ALG9: variants seen among roughly 807,000 people sequenced by gnomAD.
ALG9 encodes alpha-1,2-mannosyltransferase ALG9.
A neutral mutation model predicts 81.8 loss-of-function variants in ALG9; 55 were observed. That is an observed-to-expected ratio of 0.67 (90% CI 0.54 to 0.84). ALG9 has a LOEUF of 0.84. Among genes scored for constraint, ALG9 ranks in the 40% least tolerant of loss-of-function variants. The pLI, the probability that ALG9 is intolerant of heterozygous loss-of-function variation, is 0.00. For synonymous variants in ALG9, 278 were observed against 274.3 expected, an observed-to-expected ratio of 1.01 and a Z score of -0.13; for missense variants, 629 against 745.0, an observed-to-expected ratio of 0.84 and a Z score of 1.81.
In ALG9 at chr11:111,782,377, T is replaced by C. The variant is rs941476872; in HGVS notation, c.*4020A>G. The C allele has an allele frequency of 1.3e-5, 2 of 152,608 alleles. No homozygotes were observed. The highest frequency in any genetic ancestry group is 4.8e-5 in the African/African-American group (2 of 41,440). The allele number at this position is 152,608 out of a possible 1,614,324, so 9.5% of individuals were successfully genotyped here. On this transcript the variant is annotated 3_prime_UTR_variant, in exon 15 of 15. Transcript: ENST00000616540. Reference sequence around the variant, plus strand: ...GCATGAATCACCTGGTTATACAGACTGGCAGAAGGCAACATTCAGATTTAC... The same window carrying C: ...GCATGAATCACCTGGTTATACAGACCGGCAGAAGGCAACATTCAGATTTAC...
chr11:111,810,508 C>A (rs782225137), intron 13 of ALG9, among the ~76,000 whole-genome samples: 1 of 152,184 alleles, frequency 6.6e-6, no homozygotes, highest in Non-Finnish European at 1.5e-5. Flanking sequence ...GTAGTCCCAG[C>A]ACTTTGGGAG....
At chr11:111,869,592 T>TA (rs563657100) in intron 2 of ALG9, among the ~76,000 whole-genome samples, 28 of 147,028 alleles carry the variant, frequency 1.9e-4, no homozygotes, top group African/African-American at 2.2e-4. Flanking sequence ...TATTTTCATT[T>TA]AAAAAAAAAA....
At position 111,833,272 on chromosome 11, in the gene ALG9, T is replaced by C. The variant is rs566726977; in HGVS notation, c.1602+2893A>G. 3.3e-5 allele frequency among the ~76,000 whole-genome samples: 5 copies of C among 152,330 alleles called. No individual in the cohort carries two copies. The East Asian group carries it at 7.7e-4, about 23-fold the overall frequency. ...CAAGAACTAAAGAGGTGACACTGAATGTATCTTCCAAATTTAGATCTTGAT... is the reference window on the plus strand; with the variant it reads ...CAAGAACTAAAGAGGTGACACTGAACGTATCTTCCAAATTTAGATCTTGAT... On this transcript the variant is annotated intron_variant, in intron 13 of 14. Transcript: ENST00000616540.
Position 111,815,367 on chromosome 11 carries a change from C to T in ALG9, c.1603-5594G>A, listed in dbSNP as rs563109930. On this transcript the variant is annotated intron_variant, in intron 13 of 14. Transcript: ENST00000616540. Reference sequence around the variant, plus strand: ...CTACAGTGAGCTGATTGTGCCGCTGCACTCCAGCCCAGGAAACAGAGCAAG... The same window carrying T: ...CTACAGTGAGCTGATTGTGCCGCTGTACTCCAGCCCAGGAAACAGAGCAAG... Among the ~76,000 whole-genome samples the T allele has an allele frequency of 5.5e-4, 84 of 152,190 alleles. No homozygotes were observed. In the East Asian group the frequency reaches 6.8e-3, roughly 12 times the overall value.
the ALG9 span, among the ~76,000 whole-genome samples, chr11:111,772,294 TGCCTGACTGTA>T: frequency 9.5e-4 from 145 of 152,036 alleles, no homozygotes; most frequent in Admixed American, 5.4e-3. Flanking sequence ...GGCACAGAGG[TGCCTGACTGTA>T]GTACCAGTTA....
chr11:111,846,829 T>C (rs1957018314), intron 8 of ALG9, among the ~76,000 whole-genome samples: 1 of 152,224 alleles, frequency 6.6e-6, no homozygotes, highest in Admixed American at 6.5e-5. Context: ...TCAATGCTGC[T>C]GCTCAGAAAA....
the ALG9 span, among the ~76,000 whole-genome samples, chr11:111,774,370 C>T: frequency 6.6e-6 from 1 of 152,128 alleles, no homozygotes; most frequent in African/African-American, 2.4e-5. Flanking sequence ...GAGTGAAACT[C>T]CGTCTCCAAA....
At chr11:111,867,043 C>T (rs898059569) in intron 3 of ALG9, among the ~76,000 whole-genome samples, 2 of 152,120 alleles carry the variant, frequency 1.3e-5, no homozygotes, top group Admixed American at 6.6e-5. Context: ...TGCTGTGAGC[C>T]GAGATCACAT....
rs556738975 is a variant in ALG9 at position 111,829,190 on chromosome 11, C to A, written c.1602+6975G>T. On this transcript the variant is annotated intron_variant, in intron 13 of 14. Coordinates refer to ENST00000616540, the MANE Select transcript of ALG9 (RefSeq NM_024740.2). ...ATTTAAATCTGCCTTAAAGTATAACCAAAGAGCCCATTTTTTTTGTTTCTT... is the reference window on the plus strand; with the variant it reads ...ATTTAAATCTGCCTTAAAGTATAACAAAAGAGCCCATTTTTTTTGTTTCTT... The A allele has an allele frequency of 2.0e-5, 3 of 152,178 alleles. No homozygotes were observed. The South Asian group carries it at 6.2e-4, about 32-fold the overall frequency. The allele number at this position is 152,178 out of a possible 1,614,324, so 9.4% of individuals were successfully genotyped here.
chr11:111,772,754 A>T, the ALG9 span, among the ~76,000 whole-genome samples: 7 of 152,238 alleles, frequency 4.6e-5, no homozygotes, highest in African/African-American at 1.7e-4. Flanking sequence ...ATTGCAATCA[A>T]TTGAACTTTG....
At position 111,842,059 on chromosome 11, in the gene ALG9, GCTAA is replaced by G. The variant is rs546788481; in HGVS notation, c.1019-1254_1019-1251del. Among the ~76,000 whole-genome samples, 25 of 152,160 alleles carry G rather than the reference GCTAA, an allele frequency of 1.6e-4. No individual in the cohort carries two copies. The East Asian group carries it at 4.8e-3, about 29-fold the overall frequency. On this transcript the variant is annotated intron_variant, in intron 9 of 14. Transcript: ENST00000616540. ...TTACAGGCATGCATCAACACACCAG[GCTAA>G]CTGTTGTATTTTTAGTGGAGATGGG...
the ALG9 span, among the ~76,000 whole-genome samples, chr11:111,776,242 T>C: frequency 6.6e-6 from 1 of 152,236 alleles, no homozygotes; most frequent in East Asian, 1.9e-4. Flanking sequence ...TGTTAGCTAT[T>C]ATTCATGATT....
intron 9 of ALG9, 98 bp from the exon 10 acceptor site, chr11:111,840,907 CT>C: frequency 7.3e-7 from 1 of 1,364,420 alleles, no homozygotes; most frequent in East Asian, 2.3e-5. Context: ...GGAGTATGCC[CT>C]AGGACACTCC....
At chr11:111,794,927 C>T (rs1265831384) in intron 14 of ALG9, among the ~76,000 whole-genome samples, 2 of 152,198 alleles carry the variant, frequency 1.3e-5, no homozygotes, top group Non-Finnish European at 2.9e-5. Context: ...AGTTCCATAT[C>T]AAGCAATTTA....
At chr11:111,800,008 A>C (rs567714342) in intron 14 of ALG9, among the ~76,000 whole-genome samples, 1 of 152,246 alleles carries the variant, frequency 6.6e-6, no homozygotes, top group South Asian at 2.1e-4. Flanking sequence ...AAGCCTTCTA[A>C]GTGTACTCTA....
chr11:111,800,668 C>T (rs1948979279), intron 14 of ALG9, among the ~76,000 whole-genome samples: 1 of 152,092 alleles, frequency 6.6e-6, no homozygotes, highest in South Asian at 2.1e-4. Flanking sequence ...CCTCTTACAA[C>T]ACATAACACA....
At chr11:111,810,617 G>T (rs1555090405) in intron 13 of ALG9, among the ~76,000 whole-genome samples, 1 of 152,096 alleles carries the variant, frequency 6.6e-6, no homozygotes, top group African/African-American at 2.4e-5. Context: ...TTAGCTAGGT[G>T]TGGTGGCACA....
chr11:111,800,760 G>A (rs868952221), intron 14 of ALG9, among the ~76,000 whole-genome samples: 1 of 152,146 alleles, frequency 6.6e-6, no homozygotes, highest in Non-Finnish European at 1.5e-5. Context: ...AGAGGACAGC[G>A]ACCTGGTATG....
intron 14 of ALG9, among the ~76,000 whole-genome samples, chr11:111,804,248 C>T (rs1949599127): frequency 6.6e-6 from 1 of 151,110 alleles, no homozygotes; most frequent in African/African-American, 2.4e-5. Context: ...TTTTTAGATA[C>T]AACACCAAAG....
Sources: gnomAD v4.1 joint callset for allele counts (sites outside exome capture counted in the v4.1 genomes callset) on GRCh38, gnomAD v4.1.1 for gene constraint, MANE v1.5 for transcripts, NCBI Gene and HGNC (gene_info 2026-07-23, HGNC 2026-07-21) for gene names.